Variants in PCGF5 observed in about 807,000 individuals in gnomAD.
PCGF5 encodes polycomb group RING finger protein 5.
A neutral mutation model predicts 44.3 loss-of-function variants in PCGF5; 9 were observed. The ratio of observed to expected loss-of-function variants is 0.20; its 90% CI spans 0.12 to 0.35. The LOEUF is 0.35. PCGF5 is among the 10% of genes least tolerant of loss of function. The probability of loss-of-function intolerance (pLI) is 1.00; values close to 1 mark genes in which losing one functional copy is unlikely to be tolerated. For synonymous variants in PCGF5, 95 were observed against 102.5 expected, an observed-to-expected ratio of 0.93 and a Z score of 0.44; for missense variants, 146 against 305.3, an observed-to-expected ratio of 0.48 and a Z score of 3.89.
chr10:91,208,071 A>G (rs1277446131), intron 1 of PCGF5, among the ~76,000 whole-genome samples: 1 of 152,146 alleles, frequency 6.6e-6, no homozygotes, highest in Non-Finnish European at 1.5e-5. Flanking sequence ...AATATCCTCT[A>G]CCCAGCAATT....
chr10:91,242,051 G>C (rs543044236), intron 3 of PCGF5, among the ~76,000 whole-genome samples: 2 of 152,060 alleles, frequency 1.3e-5, no homozygotes, highest in South Asian at 4.2e-4. Flanking sequence ...CTGTAATTCT[G>C]AGTAAGCCTT....
rs889611782 is a variant in PCGF5, at chr10:91,278,732, A to G, written c.*416A>G. On this transcript the variant is annotated 3_prime_UTR_variant, in exon 10 of 10. Coordinates refer to ENST00000336126, the MANE Select transcript of PCGF5 (RefSeq NM_032373.5). ...TTCTTGTTTAAATAGCGTACTCTAC[A>G]AGAAACTAATAATTATATCTTGAAA... The G allele has an allele frequency of 6.3e-6, 1 of 159,582 alleles. No homozygotes were observed. The highest frequency in any genetic ancestry group is 1.4e-5 in the Non-Finnish European group (1 of 72,858). The allele number at this position is 159,582 out of a possible 1,614,324, so 9.9% of individuals were successfully genotyped here. A position where few individuals can be genotyped will look rare whatever the true frequency, so the allele number is the denominator to read the frequency against.
intron 1 of PCGF5, among the ~76,000 whole-genome samples, chr10:91,192,685 G>T (rs535159629): frequency 6.6e-6 from 1 of 152,140 alleles, no homozygotes; most frequent in Admixed American, 6.6e-5. Context: ...AATAAAACAG[G>T]CATAGTAAAC....
chr10:91,242,426 CTG>C (rs965594239), intron 3 of PCGF5, among the ~76,000 whole-genome samples: 1 of 150,276 alleles, frequency 6.7e-6, no homozygotes, highest in African/African-American at 2.5e-5. Flanking sequence ...AAATAAAAAA[CTG>C]TTAATAAAAA....
rs1471884763 is a variant in PCGF5, at chr10:91,251,313, A to G, written c.347A>G (p.Lys116Arg). ...ACAGATGATACTTCAAAAGCTGACAAACCGAAAGTAGATGAAGAAGGTGAT... is the reference window on the plus strand; with the variant it reads ...ACAGATGATACTTCAAAAGCTGACAGACCGAAAGTAGATGAAGAAGGTGAT... ...NGQDDTSKAD[K>R]PKVDEEGDEN... is the part of the protein sequence containing the mutation. The change falls in exon 6 of 10, where the codon AAA (lysine) becomes AGA (arginine). Residue 116 changes from lysine to arginine, a missense_variant. Physicochemically the swap from Lys to Arg is conservative, Grantham distance 26 (BLOSUM62 2). Transcript: ENST00000336126. The G allele has an allele frequency of 6.2e-7, 1 of 1,609,672 alleles. No homozygotes were observed. The highest frequency in any genetic ancestry group is 1.3e-5 in the African/African-American group (1 of 74,840).
intron 1 of PCGF5, among the ~76,000 whole-genome samples, chr10:91,194,286 GCCCAA>G (rs1242137038): frequency 7.2e-5 from 11 of 152,302 alleles, no homozygotes; most frequent in African/African-American, 2.6e-4. Flanking sequence ...TATCTGGTGG[GCCCAA>G]CCTAGTCACA....
At chr10:91,205,019 A>G (rs946098335) in intron 1 of PCGF5, among the ~76,000 whole-genome samples, 3 of 152,236 alleles carry the variant, frequency 2.0e-5, no homozygotes, top group Non-Finnish European at 4.4e-5. Flanking sequence ...TTATCTACAT[A>G]AACAATTTTT....
At chr10:91,188,850 C>T (rs1843975765) in intron 1 of PCGF5, among the ~76,000 whole-genome samples, 1 of 152,126 alleles carries the variant, frequency 6.6e-6, no homozygotes, top group Admixed American at 6.5e-5. Context: ...CCCTAGATAG[C>T]AGTTTATTCA....
intron 1 of PCGF5, among the ~76,000 whole-genome samples, chr10:91,171,329 T>C (rs1035705904): frequency 1.3e-4 from 20 of 152,122 alleles, no homozygotes; most frequent in African/African-American, 4.6e-4. Flanking sequence ...TTTTTTTATA[T>C]TGATTTGCCA....
At chr10:91,249,262 C>T (rs192790979) in intron 5 of PCGF5, among the ~76,000 whole-genome samples, 3 of 151,308 alleles carry the variant, frequency 2.0e-5, no homozygotes, top group East Asian at 3.9e-4. Context: ...GAATTTTCTC[C>T]ATCACCCAGA....
intron 9 of PCGF5, among the ~76,000 whole-genome samples, chr10:91,275,168 A>G (rs1017694662): frequency 2.0e-5 from 3 of 152,182 alleles, no homozygotes; most frequent in African/African-American, 7.2e-5. Flanking sequence ...TACATAAAGA[A>G]TTCATACAAA....
chr10:91,174,670 A>G (rs1843670638), intron 1 of PCGF5, among the ~76,000 whole-genome samples: 1 of 152,222 alleles, frequency 6.6e-6, no homozygotes, highest in African/African-American at 2.4e-5. Context: ...AAAATAAAGG[A>G]TAATAAACAT....
chr10:91,165,394 T>C (rs377401878), intron 1 of PCGF5, among the ~76,000 whole-genome samples: 10 of 152,342 alleles, frequency 6.6e-5, no homozygotes, highest in African/African-American at 2.4e-4. Context: ...TTTCCACTTA[T>C]TTGGAATACT....
rs12265261 is a variant in PCGF5, at chr10:91,176,915, C to G, written c.-184+13834C>G. On this transcript the variant is annotated intron_variant, in intron 1 of 9. Transcript: ENST00000614189. ...CCTTCTTCTCTCAACTCATCAAAGT[C>G]TTTCTCCGTCCAGCTTTGTTCCGTT... Among the ~76,000 whole-genome samples, 806 of 152,346 alleles carry G rather than the reference C, an allele frequency of 5.3e-3. 9 individuals are homozygous for G. Among genetic ancestry groups the G allele is most frequent in the African/African-American group, 0.018 (766 of 41,574 alleles).
At chr10:91,277,946 G>C (rs930474432) in intron 9 of PCGF5, among the ~76,000 whole-genome samples, 2 of 152,008 alleles carry the variant, frequency 1.3e-5, no homozygotes, top group Non-Finnish European at 2.9e-5. Context: ...CCTATAAGCA[G>C]GGTGTGTGAC....
rs942295906 is a variant in PCGF5, at chr10:91,283,178, T to C, written c.*4862T>C. On this transcript the variant is annotated 3_prime_UTR_variant, in exon 10 of 10. Coordinates refer to ENST00000336126, the MANE Select transcript of PCGF5 (RefSeq NM_032373.5). Reference sequence around the variant, plus strand: ...CCAATAATTTAAGTAATTCTCTTCCTAGTATAATACAGTTTTCATAAATAA... The same window carrying C: ...CCAATAATTTAAGTAATTCTCTTCCCAGTATAATACAGTTTTCATAAATAA... 1 of 152,242 alleles carries C rather than the reference T, an allele frequency of 6.6e-6. No individual in the cohort carries two copies. The highest frequency in any genetic ancestry group is 1.5e-5 in the Non-Finnish European group (1 of 68,030). 9.4% of individuals were successfully genotyped at this position (152,242 alleles called of 1,614,324 possible).
At chr10:91,273,873 T>A (rs183691545) in intron 9 of PCGF5, among the ~76,000 whole-genome samples, 1 of 150,430 alleles carries the variant, frequency 6.6e-6, no homozygotes, top group East Asian at 1.9e-4. Context: ...TTATATATTT[T>A]ATACATATAT....
intron 1 of PCGF5, among the ~76,000 whole-genome samples, chr10:91,192,224 T>A (rs1325263358): frequency 6.6e-6 from 1 of 152,190 alleles, no homozygotes; most frequent in South Asian, 2.1e-4. Flanking sequence ...GGAATTTTTT[T>A]AAAAAAGCAT....
chr10:91,242,168 G>C (rs545959500), intron 3 of PCGF5, among the ~76,000 whole-genome samples: 73 of 149,888 alleles, frequency 4.9e-4, no homozygotes, highest in South Asian at 4.3e-4. Flanking sequence ...CTGGGTGGGT[G>C]CTCCTGGCAT....
Sources: gnomAD v4.1 joint callset for allele counts (sites outside exome capture counted in the v4.1 genomes callset) on GRCh38, gnomAD v4.1.1 for gene constraint, MANE v1.5 for transcripts, NCBI Gene and HGNC (gene_info 2026-07-23, HGNC 2026-07-21) for gene names.